Variants in TC2N observed in about 807,000 individuals in gnomAD.
The protein encoded by TC2N is tandem C2 domains, nuclear.
A neutral mutation model predicts 61.9 loss-of-function variants in TC2N; 51 were observed. That is an observed-to-expected ratio of 0.82 (90% CI 0.66 to 1.04). The LOEUF is 1.04. TC2N is among the 50% of genes least tolerant of loss of function. The probability of loss-of-function intolerance (pLI) is 0.00; values close to 1 mark genes in which losing one functional copy is unlikely to be tolerated. For synonymous variants in TC2N, 204 were observed against 192.6 expected, an observed-to-expected ratio of 1.06 and a Z score of -0.49; for missense variants, 556 against 566.7, an observed-to-expected ratio of 0.98 and a Z score of 0.19.
intron 1 of TC2N, among the ~76,000 whole-genome samples, chr14:91,832,709 GTT>G (rs1887836138): frequency 6.6e-6 from 1 of 151,908 alleles, no homozygotes; most frequent in Non-Finnish European, 1.5e-5. Context: ...AAAACTGAAG[GTT>G]TTTAAAACCA....
At chr14:91,828,780 A>G (rs1160842143) in intron 1 of TC2N, among the ~76,000 whole-genome samples, 3 of 152,060 alleles carry the variant, frequency 2.0e-5, no homozygotes, top group East Asian at 1.9e-4. Flanking sequence ...AGTTCAATCT[A>G]TAACTTAATA....
chr14:91,827,214 G>A (rs962915176), intron 1 of TC2N, among the ~76,000 whole-genome samples: 1 of 151,978 alleles, frequency 6.6e-6, no homozygotes, highest in African/African-American at 2.4e-5. Flanking sequence ...CAATAGCTTG[G>A]ATATTGTATT....
intron 1 of TC2N, among the ~76,000 whole-genome samples, chr14:91,836,742 G>GC (rs1166880406): frequency 5.3e-5 from 8 of 151,748 alleles, no homozygotes; most frequent in Non-Finnish European, 1.0e-4. Context: ...GCGCTTGGCA[G>GC]CCCCTTCCTG....
chr14:91,813,058 C>T (rs148716916), intron 2 of TC2N, among the ~76,000 whole-genome samples: 197 of 151,722 alleles, frequency 1.3e-3, no homozygotes, highest in African/African-American at 4.4e-3. Flanking sequence ...AGTACAAGTA[C>T]TATTCTGTAG....
Position 91,837,107 on chromosome 14 carries a change from C to G in TC2N, c.-56-23282G>C, listed in dbSNP as rs1193724290. 1.3e-5 allele frequency among the ~76,000 whole-genome samples: 2 copies of G among 152,250 alleles called. No homozygotes were observed. The highest frequency in any genetic ancestry group is 2.9e-5 in the Non-Finnish European group (2 of 68,044). Reference sequence around the variant, plus strand: ...CCCCCGATTCTATGAGGGATCCCCTCTAACCCTGGTAAAGCGGGGGGCCTG... The same window carrying G: ...CCCCCGATTCTATGAGGGATCCCCTGTAACCCTGGTAAAGCGGGGGGCCTG... On this transcript the variant is annotated intron_variant, in intron 1 of 11. Transcript: ENST00000435962. This position sits in a 1 kb window ranked among gnomAD's most constrained non-coding sequence, Gnocchi z 4.2.
intron 8 of TC2N, among the ~76,000 whole-genome samples, chr14:91,796,971 T>TTTTG (rs10639305): frequency 0.98 from 149,030 of 152,002 alleles, 73,138 homozygotes; most frequent in East Asian, 1. Context: ...TTTTATATAT[T>TTTTG]TTTGTATTTT....
chr14:91,814,931 A>T (rs1206947540), intron 1 of TC2N, among the ~76,000 whole-genome samples: 1 of 151,700 alleles, frequency 6.6e-6, no homozygotes, highest in Non-Finnish European at 1.5e-5. Flanking sequence ...AGGCACTTCA[A>T]AACATCACAT....
chr14:91,865,748 T>C (rs1888687258), intron 1 of TC2N, among the ~76,000 whole-genome samples: 1 of 152,232 alleles, frequency 6.6e-6, no homozygotes, highest in Non-Finnish European at 1.5e-5. Context: ...ATTTTTCTTG[T>C]ATAAAACAGA....
In TC2N at chr14:91,837,925, T is replaced by G. The variant is rs1453162218; in HGVS notation, c.-56-24100A>C. Among the ~76,000 whole-genome samples, 3 of 152,208 alleles carry G rather than the reference T, an allele frequency of 2.0e-5. No individual in the cohort carries two copies. The highest frequency in any genetic ancestry group is 6.5e-5 in the Admixed American group (1 of 15,282). On this transcript the variant is annotated intron_variant, in intron 1 of 11. Coordinates refer to ENST00000435962, the MANE Select transcript of TC2N (RefSeq NM_001128596.3). The surrounding 1 kb of genome is among the most constrained non-coding windows in gnomAD (Gnocchi z 4.2). ...CATTTAATAATGTATCACAAATGTTTGCAAAGTTGTGCACTGTTCACACAA... is the reference window on the plus strand; with the variant it reads ...CATTTAATAATGTATCACAAATGTTGGCAAAGTTGTGCACTGTTCACACAA...
At chr14:91,799,694 T>G (rs1886121768) in intron 5 of TC2N, among the ~76,000 whole-genome samples, 1 of 152,114 alleles carries the variant, frequency 6.6e-6, no homozygotes, top group Non-Finnish European at 1.5e-5. Flanking sequence ...TATATTCACA[T>G]GGAAACAAGA....
intron 1 of TC2N, among the ~76,000 whole-genome samples, chr14:91,828,263 C>T (rs1887589316): frequency 6.6e-6 from 1 of 152,060 alleles, no homozygotes; most frequent in African/African-American, 2.4e-5. Context: ...CACATGGACA[C>T]ATTATCTAGC....
chr14:91,814,933 A>G (rs1886943286), intron 1 of TC2N, among the ~76,000 whole-genome samples: 1 of 151,668 alleles, frequency 6.6e-6, no homozygotes, highest in Admixed American at 6.6e-5. Context: ...GCACTTCAAA[A>G]CATCACATTG....
At chr14:91,836,578 G>GGC (rs1387165662) in intron 1 of TC2N, 1 of 104,068 alleles carries the variant, frequency 9.6e-6, no homozygotes, top group African/African-American at 3.7e-5. Context: ...TAAGGGGCGA[G>GGC]GCGAGGCAAG....
intron 10 of TC2N, 66 bp from the exon 11 acceptor site, chr14:91,785,427 C>T: frequency 1.7e-6 from 2 of 1,179,978 alleles, no homozygotes; most frequent in East Asian, 2.4e-5. Context: ...TGTGTATATA[C>T]ACATCCAAGT....
intron 8 of TC2N, among the ~76,000 whole-genome samples, chr14:91,796,014 T>G (rs1330911585): frequency 6.6e-6 from 1 of 152,026 alleles, no homozygotes; most frequent in Non-Finnish European, 1.5e-5. Flanking sequence ...CCAAACAAAT[T>G]TATATATAAT....
chr14:91,840,951 A>C (rs1378588988), intron 1 of TC2N, among the ~76,000 whole-genome samples: 1 of 152,142 alleles, frequency 6.6e-6, no homozygotes, highest in Non-Finnish European at 1.5e-5. Flanking sequence ...CAAAACACCC[A>C]TCTGCCTCCT....
chr14:91,802,223 C>G (rs776731514), intron 4 of TC2N, 31 bp downstream of exon 4: 1 of 1,486,912 alleles, frequency 6.7e-7, no homozygotes, highest in Non-Finnish European at 8.9e-7. Context: ...AAGAGAAACA[C>G]AGAGAGGAAA....
intron 1 of TC2N, among the ~76,000 whole-genome samples, chr14:91,841,360 A>G (rs1888158795): frequency 6.6e-6 from 1 of 152,228 alleles, no homozygotes; most frequent in South Asian, 2.1e-4. Flanking sequence ...AGCTTGCTTA[A>G]GTTGGAACTC....
At chr14:91,788,963 A>G (rs1408314721) in intron 9 of TC2N, among the ~76,000 whole-genome samples, 1 of 7,134 alleles carries the variant, frequency 1.4e-4, no homozygotes, top group Admixed American at 0.012. Context: ...GGTAGCCATA[A>G]AAAAAAAACC....
Sources: gnomAD v4.1 joint callset for allele counts (sites outside exome capture counted in the v4.1 genomes callset) on GRCh38, gnomAD v4.1.1 for gene constraint, Gnocchi (gnomAD v3.1) non-coding constraint, MANE v1.5 for transcripts, NCBI Gene and HGNC (gene_info 2026-07-23, HGNC 2026-07-21) for gene names.